MYO1F: variants seen among roughly 807,000 people sequenced by gnomAD.
The protein encoded by MYO1F is myosin IF, also known as unconventional myosin-If.
MYO1F carries 60 observed loss-of-function variants against 146.6 expected under a neutral mutation model. The ratio of observed to expected loss-of-function variants is 0.41; its 90% CI spans 0.33 to 0.51. The LOEUF is 0.51. Among genes scored for constraint, MYO1F ranks in the 20% least tolerant of loss-of-function variants. The pLI, the probability that MYO1F is intolerant of heterozygous loss-of-function variation, is 0.25. For missense variants in MYO1F, 1,274 were observed against 1,534.3 expected, an observed-to-expected ratio of 0.83 and a Z score of 2.83; for synonymous variants, 602 against 602.1, an observed-to-expected ratio of 1.00 and a Z score of 0.00.
rs1315375217 is a variant in MYO1F, at chr19:8,527,413, C to T, written c.2399G>A (p.Gly800Glu). Residue 800 changes from glycine to glutamate, a missense_variant, in exon 22 of 28, where the codon GGA (glycine) becomes GAA (glutamate). Coordinates refer to ENST00000644032, the MANE Select transcript of MYO1F (RefSeq NM_012335.4). The stretch of plus-strand genomic sequence containing the variant: ...TTCACACACCTGGCCCTTCTCAGGT[C>T]CCTTCTTCACTTTCTCTCGCCCAAT... ...YVIGREKVKK[G>E]PEKGQVCEVL... 6.2e-7 allele frequency: 1 copy of T among 1,613,974 alleles called. No homozygotes were observed. Among genetic ancestry groups the T allele is most frequent in the Non-Finnish European group, 8.5e-7 (1 of 1,180,014 alleles).
Position 8,530,330 on chromosome 19 carries a change from G to A in MYO1F, c.2194C>T (p.Arg732Cys), listed in dbSNP as rs773662654. The change falls in exon 21 of 28, where the codon CGC (arginine) becomes TGC (cysteine). Residue 732 changes from arginine (R) to cysteine (C), a missense_variant. By Grantham distance (180) the Arg-to-Cys change is radical (BLOSUM62 -3). Coordinates refer to ENST00000644032, the MANE Select transcript of MYO1F (RefSeq NM_012335.4). The surrounding 1 kb of genome is among the most constrained non-coding windows in gnomAD (Gnocchi z 5.8). Reference protein sequence around the residue: ...NILLNKKERRRNSINRNFVGD... With the variant: ...NILLNKKERRCNSINRNFVGD... ...ACGAAGTTCCGATTGATGCTGTTGC[G>A]CCTCCGCTCCTTCTTGTTCAGCAGG... The A allele has an allele frequency of 1.9e-5, 31 of 1,614,006 alleles. No homozygotes were observed. In the South Asian group the frequency reaches 2.4e-4, roughly 13 times the overall value.
rs1310491678 is a variant in MYO1F at position 8,530,489 on chromosome 19, C to T, written c.2128G>A (p.Val710Ile). 20 of 1,613,820 alleles carry T rather than the reference C, an allele frequency of 1.2e-5. No individual in the cohort carries two copies. The highest frequency in any genetic ancestry group is 1.6e-5 in the Non-Finnish European group (19 of 1,180,034). Reference sequence around the variant, plus strand: ...TCCCGCATCTCCTCGTACTTCCGGACAGCCACGTGGCGCCGCCAGGCCTTC... The same window carrying T: ...TCCCGCATCTCCTCGTACTTCCGGATAGCCACGTGGCGCCGCCAGGCCTTC... The part of the protein sequence containing the change: ...IQKAWRRHVA[V>I]RKYEEMREEA... Residue 710 changes from valine to isoleucine, a missense_variant, in exon 20 of 28, where the codon GTC becomes ATC. Transcript: ENST00000644032. This position sits in a 1 kb window ranked among gnomAD's most constrained non-coding sequence, Gnocchi z 5.8.
At chr19:8,529,911 G>A in intron 21 of MYO1F, 1 of 573,152 alleles carries the variant, frequency 1.7e-6, no homozygotes, top group South Asian at 2.0e-5. Flanking sequence ...TGGGCTAGGT[G>A]AGGATATACC....
In MYO1F at chr19:8,522,603, C is replaced by A. The variant is rs997215193; in HGVS notation, c.3050+31G>T. 6 of 1,609,208 alleles carry A rather than the reference C, an allele frequency of 3.7e-6. No homozygotes were observed. The South Asian group carries it at 6.7e-5, about 18-fold the overall frequency. ...CAGACACTCCCCTACCCCCTGCCCA[C>A]CTCCTGGAGCTGCCCTCCCACCCCA... is the stretch of plus-strand genomic sequence containing the variant. On this transcript the variant is annotated intron_variant, in intron 26 of 27. Transcript: ENST00000644032.
intron 19 of MYO1F, among the ~76,000 whole-genome samples, chr19:8,531,281 A>T (rs1048572750): frequency 1.3e-5 from 2 of 151,950 alleles, no homozygotes; most frequent in African/African-American, 4.8e-5. Context: ...TGGGAGTTGG[A>T]GGTTGCGGTG....
chr19:8,554,926 G>A (rs562863964), intron 2 of MYO1F, among the ~76,000 whole-genome samples, 183 bp from the exon 3 acceptor site: 2 of 152,190 alleles, frequency 1.3e-5, no homozygotes, highest in African/African-American at 4.8e-5. Context: ...GCTCATGCCT[G>A]TAATCCCAGC....
At chr19:8,547,435 C>T (rs1412363111) in intron 12 of MYO1F, among the ~76,000 whole-genome samples, 2 of 151,202 alleles carry the variant, frequency 1.3e-5, no homozygotes, top group African/African-American at 4.9e-5. Context: ...GAAACCCTGT[C>T]TCTACTAAAA....
intron 1 of MYO1F, among the ~76,000 whole-genome samples, chr19:8,570,230 T>G (rs1555731517): frequency 6.6e-6 from 1 of 151,186 alleles, no homozygotes; most frequent in Non-Finnish European, 1.5e-5. Context: ...GCACAACGCC[T>G]GGCTAATTTT....
intron 1 of MYO1F, among the ~76,000 whole-genome samples, chr19:8,556,989 G>A (rs1169388272): frequency 1.3e-5 from 2 of 150,072 alleles, no homozygotes; most frequent in African/African-American, 4.9e-5. Context: ...TATGAGGACA[G>A]TAAAAGATCA....
At chr19:8,561,300 T>C (rs1266296895) in intron 1 of MYO1F, among the ~76,000 whole-genome samples, 2 of 151,744 alleles carry the variant, frequency 1.3e-5, no homozygotes, top group Non-Finnish European at 2.9e-5. Context: ...GCAGGGGTAG[T>C]CAGGGCTTCA....
At chr19:8,573,505 A>G (rs782097378) in intron 1 of MYO1F, among the ~76,000 whole-genome samples, 4 of 151,940 alleles carry the variant, frequency 2.6e-5, no homozygotes, top group Non-Finnish European at 5.9e-5. Flanking sequence ...CCTTCCTTAC[A>G]TTCTCCCACG....
chr19:8,551,554 G>T, intron 8 of MYO1F, 186 bp downstream of exon 8: 1 of 756,558 alleles, frequency 1.3e-6, no homozygotes, highest in South Asian at 1.6e-5. Flanking sequence ...GTTTAACCAC[G>T]TTGGCCAGGC....
chr19:8,545,076 C>T (rs1044213910), intron 13 of MYO1F, among the ~76,000 whole-genome samples: 1 of 149,976 alleles, frequency 6.7e-6, no homozygotes, highest in African/African-American at 2.5e-5. Flanking sequence ...CCATGTCCCG[C>T]CTAAATACGT....
chr19:8,528,713 A>G (rs1972365262), intron 21 of MYO1F, among the ~76,000 whole-genome samples: 1 of 152,166 alleles, frequency 6.6e-6, no homozygotes, highest in South Asian at 2.1e-4. Context: ...AGATGAGAAC[A>G]CTTAGACCAG....
intron 16 of MYO1F, among the ~76,000 whole-genome samples, chr19:8,538,456 A>G (rs1972821786): frequency 6.6e-6 from 1 of 151,196 alleles, no homozygotes. Flanking sequence ...TAAATTTTGT[A>G]TTTTTAGTAG....
At chr19:8,552,639 A>G (rs1173300889) in intron 6 of MYO1F, among the ~76,000 whole-genome samples, 1 of 152,112 alleles carries the variant, frequency 6.6e-6, no homozygotes, top group African/African-American at 2.4e-5. Context: ...GGATATTAAC[A>G]TCGTCACCAT....
Position 8,562,966 on chromosome 19 carries a change from C to T in MYO1F, c.4-7170G>A, listed in dbSNP as rs993033220. On this transcript the variant is annotated intron_variant, in intron 1 of 27. Coordinates refer to ENST00000644032, the MANE Select transcript of MYO1F (RefSeq NM_012335.4). ...GTGGCTCTCCTGGGCCTTCTTGGAC[C>T]GCTGACCTTAGCACCTTCTTTCCTT... Among the ~76,000 whole-genome samples, 6 of 151,712 alleles carry T rather than the reference C, an allele frequency of 4.0e-5. No homozygotes were observed. The South Asian group carries it at 6.2e-4, about 16-fold the overall frequency.
rs371268817 is a variant in MYO1F, at chr19:8,540,186, G to C, written c.1611-158C>G. 845 of 602,276 alleles carry C rather than the reference G, an allele frequency of 1.4e-3. 15 individuals carry two copies. The East Asian group carries it at 0.015, about 11-fold the overall frequency. The allele number at this position is 602,276 out of a possible 1,614,324, so 37.3% of individuals were successfully genotyped here. A position where few individuals can be genotyped will look rare whatever the true frequency, so the allele number is the denominator to read the frequency against. ...GTGAGATGCAGAGGGTTGGTTTTTT[G>C]GTTTGTTTTTTGAGGCAGGGCCTCG... On this transcript the variant is annotated intron_variant, in intron 15 of 27. Coordinates refer to ENST00000644032, the MANE Select transcript of MYO1F (RefSeq NM_012335.4).
intron 1 of MYO1F, among the ~76,000 whole-genome samples, chr19:8,567,390 A>G (rs1450888239): frequency 6.6e-6 from 1 of 150,720 alleles, no homozygotes; most frequent in Non-Finnish European, 1.5e-5. Flanking sequence ...TTTTTGAGAC[A>G]AAGTCTTGCT....
Sources: allele counts gnomAD v4.1 joint callset (sites outside exome capture counted in the v4.1 genomes callset), GRCh38; gene constraint gnomAD v4.1.1; non-coding constraint Gnocchi (gnomAD v3.1); transcripts MANE v1.5; gene names NCBI Gene and HGNC (gene_info 2026-07-23, HGNC 2026-07-21).